C5orf34: variants seen among roughly 807,000 people sequenced by gnomAD.
C5orf34 encodes chromosome 5 open reading frame 34, also known as uncharacterized protein C5orf34.
Under a neutral mutation model 78.4 loss-of-function variants are expected in C5orf34, and 73 were observed. The observed-to-expected ratio is 0.93, with a 90% confidence interval of 0.77 to 1.13. The LOEUF (loss-of-function observed/expected upper bound fraction) is 1.13. Ranked by LOEUF, C5orf34 falls within the 50% of genes most tolerant of loss-of-function variation. The pLI is 0.00. For synonymous variants in C5orf34, 251 were observed against 246.6 expected, an observed-to-expected ratio of 1.02 and a Z score of -0.17; for missense variants, 730 against 732.7, an observed-to-expected ratio of 1.00 and a Z score of 0.04.
intron 11 of C5orf34, among the ~76,000 whole-genome samples, chr5:43,489,098 A>AT (rs1248729679): frequency 6.6e-6 from 1 of 151,900 alleles, no homozygotes; most frequent in Non-Finnish European, 1.5e-5. Flanking sequence ...ATTGCAAAAT[A>AT]TCTTTTTTTT....
chr5:43,490,287 T>G (rs1745226264), intron 11 of C5orf34: 3 of 176,882 alleles, frequency 1.7e-5, no homozygotes, highest in African/African-American at 4.8e-5. Context: ...AAACCTTTTA[T>G]TTCCTTCAAC....
intron 5 of C5orf34, 87 bp downstream of exon 5, chr5:43,503,578 A>G: frequency 1.1e-6 from 1 of 879,140 alleles, no homozygotes. Context: ...CTCTTCTGAG[A>G]GTCTGTCTAT....
intron 10 of C5orf34, among the ~76,000 whole-genome samples, chr5:43,491,280 C>G (rs1365746967): frequency 6.6e-6 from 1 of 152,120 alleles, no homozygotes; most frequent in Non-Finnish European, 1.5e-5. Flanking sequence ...GCTAAAGAAA[C>G]TATCTTTTTT....
At position 43,491,363 on chromosome 5, in the gene C5orf34, C is replaced by T. The variant is rs371070789; in HGVS notation, c.1581-634G>A. ...ATAAAACCCAACAGAAAAATACATT[C>T]AAGAGGTAACAAAAAGCTATTATTT... On this transcript the variant is annotated intron_variant, in intron 10 of 12. Coordinates refer to ENST00000306862, the MANE Select transcript of C5orf34 (RefSeq NM_198566.4). 3.5e-4 allele frequency among the ~76,000 whole-genome samples: 53 copies of T among 152,092 alleles called. 1 individual carries two copies. The highest frequency in any genetic ancestry group is 1.3e-3 in the African/African-American group (53 of 41,496).
intron 1 of C5orf34, among the ~76,000 whole-genome samples, chr5:43,512,809 A>C (rs1261378016): frequency 1.0e-5 from 1 of 100,096 alleles, no homozygotes; most frequent in African/African-American, 4.1e-5. Context: ...TTTGAGACAG[A>C]GTCTTGCTCT....
intron 10 of C5orf34, 87 bp from the exon 11 acceptor site, chr5:43,490,816 T>G: frequency 1.5e-6 from 1 of 674,274 alleles, no homozygotes; most frequent in Non-Finnish European, 2.4e-6. Context: ...TAAGACAATT[T>G]GGGAAAAAAG....
rs9292881 is a variant in C5orf34 at position 43,491,689 on chromosome 5, G to C, written c.1580+526C>G. 5.7e-3 allele frequency among the ~76,000 whole-genome samples: 872 copies of C among 152,288 alleles called. 14 individuals are homozygous for C. Among genetic ancestry groups the C allele is most frequent in the African/African-American group, 0.02 (819 of 41,558 alleles). ...CACATTTCATTTTGAAAAGTTACTT[G>C]AATACAAATGAAATGATTAAAGCTG... On this transcript the variant is annotated intron_variant, in intron 10 of 12. Coordinates refer to ENST00000306862, the MANE Select transcript of C5orf34 (RefSeq NM_198566.4).
chr5:43,488,115 A>C, intron 11 of C5orf34, 166 bp from the exon 12 acceptor site: 1 of 599,952 alleles, frequency 1.7e-6, no homozygotes, highest in Non-Finnish European at 2.9e-6. Context: ...AACTTGACTC[A>C]ACTGATACTT....
Position 43,487,009 on chromosome 5 carries a change from C to G in C5orf34, c.1823G>C (p.Gly608Ala), listed in dbSNP as rs1443903979. 6 of 1,587,236 alleles carry G rather than the reference C, an allele frequency of 3.8e-6. No homozygotes were observed. The highest frequency in any genetic ancestry group is 4.3e-6 in the Non-Finnish European group (5 of 1,166,012). The change falls in exon 13 of 13, where the codon GGA (glycine) becomes GCA (alanine). Residue 608 changes from glycine to alanine, a missense_variant. By Grantham distance (60) the Gly-to-Ala change is moderately conservative. Transcript: ENST00000306862. ...YKPGSSETLL[G>A]EVNENRVSIA... ...TGATACTCTATTTTCATTAACTTCT[C>G]CTAGCAAGGTTTCTGAAGATCCTGG...
At chr5:43,495,662 C>G (rs569238043) in intron 6 of C5orf34, 1 of 1,582,146 alleles carries the variant, frequency 6.3e-7, no homozygotes, top group Non-Finnish European at 8.7e-7. Flanking sequence ...AGTCTCCACT[C>G]GGCCAACAGG....
chr5:43,492,044 G>A (rs1010112732), intron 10 of C5orf34, among the ~76,000 whole-genome samples, 171 bp downstream of exon 10: 8 of 146,578 alleles, frequency 5.5e-5, no homozygotes, highest in Non-Finnish European at 1.0e-4. Context: ...GATCTATTTA[G>A]TTATGCTAAA....
At chr5:43,496,549 G>A in intron 6 of C5orf34, 1 of 914,490 alleles carries the variant, frequency 1.1e-6, no homozygotes, top group Non-Finnish European at 1.6e-6. Context: ...TAAAAATATA[G>A]AATTACTCCT....
At chr5:43,495,316 G>A (rs552645743) in intron 6 of C5orf34, 358 of 1,611,450 alleles carry the variant, frequency 2.2e-4, no homozygotes, top group Middle Eastern at 1.8e-3. Context: ...TACCAGAACC[G>A]CGATCAATCT....
chr5:43,494,393 C>T (rs1486090111), intron 7 of C5orf34, 117 bp downstream of exon 7: 6 of 535,754 alleles, frequency 1.1e-5, no homozygotes, highest in Non-Finnish European at 1.3e-5. Context: ...CAAATTTTAC[C>T]GAAGGCATAT....
chr5:43,499,754 G>A (rs779730618), intron 6 of C5orf34, among the ~76,000 whole-genome samples: 4 of 152,068 alleles, frequency 2.6e-5, no homozygotes, highest in South Asian at 2.1e-4. Flanking sequence ...TCAACAACCC[G>A]ATCTTTGAGA....
chr5:43,492,312 G>C lies in C5orf34; in HGVS notation c.1486-3C>G, dbSNP rs1253685920. 3 of 1,565,680 alleles carry C rather than the reference G, an allele frequency of 1.9e-6. No individual in the cohort carries two copies. The highest frequency in any genetic ancestry group is 2.6e-6 in the Non-Finnish European group (3 of 1,142,944). Reference sequence around the variant, plus strand: ...CCTAAGTTAAGACCTTGATTTACCTGAAGAAGTAGAAAGATAAGTTTTATC... The same window carrying C: ...CCTAAGTTAAGACCTTGATTTACCTCAAGAAGTAGAAAGATAAGTTTTATC... On this transcript the variant is annotated splice_region_variant and splice_polypyrimidine_tract_variant and intron_variant, in intron 9 of 12. Coordinates refer to ENST00000306862, the MANE Select transcript of C5orf34 (RefSeq NM_198566.4).
rs1273234527 is a variant in C5orf34, at chr5:43,506,083, A to C, written c.597T>G (p.His199Gln). 1 of 1,614,080 alleles carries C rather than the reference A, an allele frequency of 6.2e-7. No individual in the cohort carries two copies. The highest frequency in any genetic ancestry group is 1.3e-5 in the African/African-American group (1 of 74,920). The change falls in exon 4 of 13, where the codon CAT becomes CAG. Residue 199 changes from histidine to glutamine, a missense_variant. Physicochemically the swap from His to Gln is conservative, Grantham distance 24 (BLOSUM62 0). Coordinates refer to ENST00000306862, the MANE Select transcript of C5orf34 (RefSeq NM_198566.4). Reference sequence around the variant, plus strand: ...TTTCTTTGGATTTCATGATCTGGCAATGAAACTCATTTTCTTTATTCTTCA... The same window carrying C: ...TTTCTTTGGATTTCATGATCTGGCACTGAAACTCATTTTCTTTATTCTTCA... ...QRLKNKENEF[H>Q]CQIMKSKETL...
chr5:43,496,106 G>C (rs953150183), intron 6 of C5orf34: 7 of 1,409,304 alleles, frequency 5.0e-6, no homozygotes, highest in Non-Finnish European at 6.7e-6. Context: ...GCCAACACCA[G>C]CAGCAACCAT....
chr5:43,500,364 T>C (rs1380326023), intron 6 of C5orf34, among the ~76,000 whole-genome samples: 4 of 152,318 alleles, frequency 2.6e-5, no homozygotes, highest in Admixed American at 1.3e-4. Flanking sequence ...CTTTTGCTTA[T>C]CTTTTTAACA....
Sources: gnomAD v4.1 joint callset for allele counts (sites outside exome capture counted in the v4.1 genomes callset) on GRCh38, gnomAD v4.1.1 for gene constraint, MANE v1.5 for transcripts, NCBI Gene and HGNC (gene_info 2026-07-23, HGNC 2026-07-21) for gene names.